Variants in MS4A12 observed in about 807,000 individuals in gnomAD.
MS4A12 encodes membrane-spanning 4-domains subfamily A member 12.
In MS4A12, 28 loss-of-function variants were observed where a neutral mutation model predicts 23.7. The ratio of observed to expected loss-of-function variants is 1.18; its 90% confidence interval spans 0.88 to 1.62. The LOEUF is 1.62. Ranked by LOEUF, MS4A12 falls within the 40% of genes most tolerant of loss-of-function variation. The pLI, the probability that MS4A12 is intolerant of heterozygous loss-of-function variation, is 0.00. For synonymous variants in MS4A12, 108 were observed against 110.1 expected (o/e 0.98, Z 0.12); for missense variants, 342 against 327.0 (o/e 1.05, Z -0.35).
chr11:60,501,127 T>G lies in MS4A12; in HGVS notation c.359T>G (p.Leu120Ter). Residue 120 changes from leucine (L) to a stop codon, truncating the protein, a stop_gained, in exon 3 of 7, where the codon TTA (leucine) becomes TGA (stop). Transcript: ENST00000016913. LOFTEE classifies it high-confidence loss of function. ...CLISFSFREV[L>*]GFASTAVIGG... The stretch of plus-strand genomic sequence containing the variant: ...ATATCCTTCTCTTTTAGAGAAGTAT[T>G]AGGTTTTGCCTCTACTGCTGTTATT... The G allele has an allele frequency of 6.2e-7, 1 of 1,613,742 alleles. No homozygotes were observed. Among genetic ancestry groups the G allele is most frequent in the Non-Finnish European group, 8.5e-7 (1 of 1,179,874 alleles).
intron 4 of MS4A12, among the ~76,000 whole-genome samples, chr11:60,503,207 C>G (rs2086544095): frequency 6.6e-6 from 1 of 151,890 alleles, no homozygotes; most frequent in Admixed American, 6.6e-5. Context: ...CATATTTAGT[C>G]CCCAGAGAGA....
rs1565206377 is a variant in MS4A12, at chr11:60,507,137, G to A, written c.*13G>A. ...TGCCCCTAAATAGTAAAAGAAAAAG[G>A]GGTATCAGTCTAATCTCATGGAGAA... On this transcript the variant is annotated 3_prime_UTR_variant, in exon 7 of 7. Transcript: ENST00000016913. The A allele has an allele frequency of 6.3e-7, 1 of 1,586,410 alleles. No homozygotes were observed. The highest frequency in any genetic ancestry group is 8.7e-7 in the Non-Finnish European group (1 of 1,154,942).
rs114529692 is a variant in MS4A12 at position 60,504,322 on chromosome 11, T to C, written c.588+505T>C. Among the ~76,000 whole-genome samples, 867 of 152,284 alleles carry C rather than the reference T, an allele frequency of 5.7e-3. 8 individuals carry two copies. Among genetic ancestry groups the C allele is most frequent in the African/African-American group, 0.019 (787 of 41,558 alleles). ...CACAATCACACATTCATTAGCCTTATATAGCCAAGCATGGACTCTGACCTT... is the reference window on the plus strand; with the variant it reads ...CACAATCACACATTCATTAGCCTTACATAGCCAAGCATGGACTCTGACCTT... On this transcript the variant is annotated intron_variant, in intron 5 of 6. Transcript: ENST00000016913.
intron 2 of MS4A12, among the ~76,000 whole-genome samples, chr11:60,498,400 A>G (rs2086505656): frequency 6.6e-6 from 1 of 152,224 alleles, no homozygotes; most frequent in African/African-American, 2.4e-5. Context: ...TTAGGGAAGT[A>G]AAAATGAGCA....
chr11:60,506,936 C>G (rs1363701055), intron 6 of MS4A12, 84 bp from the exon 7 acceptor site: 1 of 1,518,656 alleles, frequency 6.6e-7, no homozygotes, highest in Non-Finnish European at 9.1e-7. Context: ...CCAGAATGCT[C>G]TTTGTCCTTC....
At chr11:60,495,928 G>T (rs961895031) in intron 1 of MS4A12, among the ~76,000 whole-genome samples, 2 of 152,168 alleles carry the variant, frequency 1.3e-5, no homozygotes, top group Admixed American at 6.5e-5. Context: ...TGTCACCAAG[G>T]CTGGCCTGGA....
At chr11:60,499,201 G>C (rs1485721054) in intron 2 of MS4A12, among the ~76,000 whole-genome samples, 2 of 152,260 alleles carry the variant, frequency 1.3e-5, no homozygotes, top group East Asian at 3.8e-4. Context: ...AGGGGCCACA[G>C]GTGGCAGGAC....
At chr11:60,503,507 G>T (rs2086546520) in intron 4 of MS4A12, among the ~76,000 whole-genome samples, 194 bp from the exon 5 acceptor site, 1 of 152,072 alleles carries the variant, frequency 6.6e-6, no homozygotes, top group African/African-American at 2.4e-5. Context: ...CTTTTTAGAA[G>T]TACCCTACAT....
rs1033263732 is a variant in MS4A12 at position 60,501,128 on chromosome 11, A to G, written c.360A>G (p.Leu120=). 4.3e-6 allele frequency: 7 copies of G among 1,613,612 alleles called. No homozygotes were observed. In the African/African-American group the frequency reaches 9.4e-5, roughly 22 times the overall value. ...TATCCTTCTCTTTTAGAGAAGTATT[A>G]GGTTTTGCCTCTACTGCTGTTATTG... The part of the protein sequence containing the change: ...CLISFSFREV[L]GFASTAVIGG... Residue 120 remains leucine, a synonymous_variant, in exon 3 of 7, where the codon TTA becomes TTG. Coordinates refer to ENST00000016913, the MANE Select transcript of MS4A12 (RefSeq NM_017716.3).
chr11:60,503,733 T>C lies in MS4A12; in HGVS notation c.504T>C (p.Ser168=). The change falls in exon 5 of 7, where the codon AGT becomes AGC. Residue 168 remains serine (S), a synonymous_variant. Transcript: ENST00000016913. ...VKGSLGMNIV[S]SILAFIGVIL... The stretch of plus-strand genomic sequence containing the variant: ...GCAGCCTGGGAATGAACATTGTTAG[T>C]TCTATCTTGGCCTTCATTGGAGTGA... 2 of 1,613,866 alleles carry C rather than the reference T, an allele frequency of 1.2e-6. No homozygotes were observed. The highest frequency in any genetic ancestry group is 3.3e-5 in the Admixed American group (2 of 59,968).
At position 60,506,692 on chromosome 11, in the gene MS4A12, A is replaced by G; in HGVS notation, c.589-36A>G. 1.9e-6 allele frequency: 3 copies of G among 1,589,576 alleles called. No homozygotes were observed. In the South Asian group the frequency reaches 3.3e-5, roughly 18 times the overall value. ...TTGAAGCCCACGTGAGGCCCTCCTG[A>G]TTAGCCAAAATTTCACTATTTATTT... On this transcript the variant is annotated intron_variant, in intron 5 of 6. Coordinates refer to ENST00000016913, the MANE Select transcript of MS4A12 (RefSeq NM_017716.3).
At chr11:60,498,864 GA>G (rs2086509579) in intron 2 of MS4A12, among the ~76,000 whole-genome samples, 1 of 152,112 alleles carries the variant, frequency 6.6e-6, no homozygotes, top group Non-Finnish European at 1.5e-5. Flanking sequence ...GTCTTTAGAT[GA>G]AAATGTCTTT....
At chr11:60,499,937 ATGAT>A (rs1255322208) in intron 2 of MS4A12, among the ~76,000 whole-genome samples, 5 of 152,332 alleles carry the variant, frequency 3.3e-5, no homozygotes, top group African/African-American at 1.2e-4. Context: ...GATAAGAAGA[ATGAT>A]TGGTAAGAAA....
intron 1 of MS4A12, 90 bp downstream of exon 1, chr11:60,492,918 A>G (rs1440429179): frequency 6.6e-6 from 1 of 152,162 alleles, no homozygotes. Flanking sequence ...TCTGTTCTCT[A>G]GATTGGAGGG....
At chr11:60,503,906 C>G (rs983485776) in intron 5 of MS4A12, 89 bp downstream of exon 5, 1 of 1,117,570 alleles carries the variant, frequency 8.9e-7, no homozygotes, top group Non-Finnish European at 1.3e-6. Flanking sequence ...CGTATACCAG[C>G]TCTAGTGGAA....
chr11:60,503,485 AT>A (rs1388529143), intron 4 of MS4A12, among the ~76,000 whole-genome samples: 1 of 152,152 alleles, frequency 6.6e-6, no homozygotes, highest in African/African-American at 2.4e-5. Context: ...TATGATTTAC[AT>A]TTTTCTACAG....
chr11:60,506,833 A>T lies in MS4A12; in HGVS notation c.694A>T (p.Asn232Tyr). 6.2e-7 allele frequency: 1 copy of T among 1,611,374 alleles called. No homozygotes were observed. The highest frequency in any genetic ancestry group is 8.5e-7 in the Non-Finnish European group (1 of 1,177,482). ...TGCCAACCAAGCAAACACCACAACC[A>T]ATATGGTGAGTTGGGTCTCTTCTTT... is the stretch of plus-strand genomic sequence containing the variant. The part of the protein sequence containing the change: ...HFANQANTTT[N>Y]MSVLVIPNMY... Residue 232 changes from asparagine to tyrosine, a missense_variant, in exon 6 of 7, where the codon AAT (asparagine) becomes TAT (tyrosine). Physicochemically the swap from Asn to Tyr is moderately radical, Grantham distance 143 (BLOSUM62 -2). Coordinates refer to ENST00000016913, the MANE Select transcript of MS4A12 (RefSeq NM_017716.3).
At chr11:60,503,065 C>T (rs1247126459) in intron 4 of MS4A12, among the ~76,000 whole-genome samples, 2 of 152,288 alleles carry the variant, frequency 1.3e-5, no homozygotes, top group South Asian at 2.1e-4. Context: ...TAGCAAGTCA[C>T]CTGCGGACTT....
intron 4 of MS4A12, 95 bp downstream of exon 4, chr11:60,502,134 A>C: frequency 7.9e-7 from 1 of 1,265,790 alleles, no homozygotes; most frequent in Non-Finnish European, 1.1e-6. Context: ...GAAATGCAAA[A>C]GGGAGCACCT....
Sources: gnomAD v4.1 joint callset for allele counts (sites outside exome capture counted in the v4.1 genomes callset) on GRCh38, gnomAD v4.1.1 for gene constraint, MANE v1.5 for transcripts, NCBI Gene and HGNC (gene_info 2026-07-23, HGNC 2026-07-21) for gene names.